Variants in PHF21A observed in about 807,000 individuals in gnomAD.
PHF21A encodes PHD finger protein 21A, also known as BHC80a.
PHF21A carries 11 observed loss-of-function variants against 82.5 expected under a neutral mutation model. The observed-to-expected ratio is 0.13, with a 90% CI of 0.08 to 0.22. The LOEUF is 0.22. PHF21A is among the 10% of genes least tolerant of loss of function. The probability of loss-of-function intolerance (pLI) is 1.00; values close to 1 mark genes in which losing one functional copy is unlikely to be tolerated. For synonymous variants in PHF21A, 297 were observed against 302.8 expected (o/e 0.98, Z 0.20); for missense variants, 579 against 837.8 (o/e 0.69, Z 3.81).
rs2095467242 is a variant in PHF21A at position 46,014,096 on chromosome 11, A to G, written c.154-34130T>C. Among the ~76,000 whole-genome samples the G allele has an allele frequency of 2.0e-5, 3 of 152,174 alleles. 1 individual carries two copies. The South Asian group carries it at 6.2e-4, about 32-fold the overall frequency. On this transcript the variant is annotated intron_variant, in intron 6 of 18. Coordinates refer to ENST00000676320, the MANE Select transcript of PHF21A (RefSeq NM_001352027.3). Reference sequence around the variant, plus strand: ...TCATAATGCTGAGGTTTGGGCTTCTATTGATCCTGTGACCCACATGGTGAA... The same window carrying G: ...TCATAATGCTGAGGTTTGGGCTTCTGTTGATCCTGTGACCCACATGGTGAA...
In PHF21A at chr11:46,098,208, C is replaced by G. The variant is rs961903734; in HGVS notation, c.-236-5985G>C. Among the ~76,000 whole-genome samples the G allele has an allele frequency of 6.6e-5, 10 of 152,248 alleles. No individual in the cohort carries two copies. The South Asian group carries it at 1.7e-3, about 25-fold the overall frequency. ...AAAATCTACAAAGATTTAGACTGTA[C>G]ATAAATAAATGGAAGTAATAAAAAT... On this transcript the variant is annotated intron_variant, in intron 1 of 18. Coordinates refer to ENST00000676320, the MANE Select transcript of PHF21A (RefSeq NM_001352027.3).
chr11:46,081,157 T>C (rs2096786789), intron 4 of PHF21A, among the ~76,000 whole-genome samples: 1 of 152,204 alleles, frequency 6.6e-6, no homozygotes, highest in Non-Finnish European at 1.5e-5. Context: ...CAAAAGTCTT[T>C]CTCCCTGATG....
chr11:46,100,566 G>A (rs2097081278), intron 1 of PHF21A, among the ~76,000 whole-genome samples: 1 of 152,112 alleles, frequency 6.6e-6, no homozygotes, highest in African/African-American at 2.4e-5. Context: ...ACTTATTAAA[G>A]GTCCTGTTAA....
intron 11 of PHF21A, among the ~76,000 whole-genome samples, chr11:45,951,386 C>G (rs2092092405): frequency 6.6e-6 from 1 of 152,210 alleles, no homozygotes; most frequent in African/African-American, 2.4e-5. Flanking sequence ...CACTTGAGAA[C>G]ATAGAAATGT....
intron 18 of PHF21A, 24 bp from the exon 19 acceptor site, chr11:45,934,249 G>A (rs1317528695): frequency 1.2e-6 from 2 of 1,603,040 alleles, no homozygotes; most frequent in Admixed American, 1.7e-5. Context: ...CAAGGGCAGT[G>A]GCACTGAGCC....
rs571708230 is a variant in PHF21A at position 46,103,542 on chromosome 11, G to A, written c.-236-11319C>T. On this transcript the variant is annotated intron_variant, in intron 1 of 18. Coordinates refer to ENST00000676320, the MANE Select transcript of PHF21A (RefSeq NM_001352027.3). ...ATGAGATACAATGTTTTAGGAACAG[G>A]GACAAAATAAAATATACACCAATTC... Among the ~76,000 whole-genome samples the A allele has an allele frequency of 2.2e-4, 33 of 152,094 alleles. 1 individual carries two copies. In the East Asian group the frequency reaches 4.6e-3, roughly 21 times the overall value.
At chr11:46,015,475 A>G (rs1352131269) in intron 6 of PHF21A, among the ~76,000 whole-genome samples, 1 of 152,062 alleles carries the variant, frequency 6.6e-6, no homozygotes, top group East Asian at 1.9e-4. Flanking sequence ...ATAGTTTGAG[A>G]TTTTAAAAAT....
intron 6 of PHF21A, among the ~76,000 whole-genome samples, chr11:46,052,609 A>G (rs974870657): frequency 2.0e-5 from 3 of 152,188 alleles, no homozygotes; most frequent in African/African-American, 7.2e-5. Context: ...ACTAAAACAG[A>G]AGGTAGGGAT....
At chr11:45,969,547 A>G (rs980949630) in intron 9 of PHF21A, among the ~76,000 whole-genome samples, 4 of 152,228 alleles carry the variant, frequency 2.6e-5, no homozygotes, top group African/African-American at 9.6e-5. Context: ...TCTTCTAGTA[A>G]GTTTAAGGTT....
chr11:46,118,704 C>G (rs1852100502), intron 1 of PHF21A: 1 of 151,934 alleles, frequency 6.6e-6, no homozygotes, highest in African/African-American at 2.4e-5. Context: ...ATTCCATAAA[C>G]AAGTAAAGAC....
chr11:46,069,308 G>A (rs982735248), intron 6 of PHF21A, among the ~76,000 whole-genome samples: 1 of 152,158 alleles, frequency 6.6e-6, no homozygotes, highest in Admixed American at 6.5e-5. Context: ...TTGGACCAAT[G>A]GCTTTACATA....
At chr11:46,109,714 G>GT (rs766035359) in intron 1 of PHF21A, among the ~76,000 whole-genome samples, 5 of 152,246 alleles carry the variant, frequency 3.3e-5, no homozygotes, top group Non-Finnish European at 5.9e-5. Context: ...AGGCGTGGTG[G>GT]TTTAGGCCTG....
At chr11:46,074,460 GGA>G (rs1491473128) in intron 6 of PHF21A, among the ~76,000 whole-genome samples, 14 of 139,704 alleles carry the variant, frequency 1.0e-4, no homozygotes, top group Non-Finnish European at 1.3e-4. Flanking sequence ...TCTTTTGGCG[GGA>G]GGGGGGAAGG....
chr11:45,978,318 AAAAC>A (rs984571862), intron 7 of PHF21A, among the ~76,000 whole-genome samples: 11 of 147,246 alleles, frequency 7.5e-5, no homozygotes, highest in African/African-American at 2.4e-4. Flanking sequence ...CAATAACAAA[AAAAC>A]AAACAAACAA....
chr11:46,055,952 C>T (rs1408718578), intron 6 of PHF21A, among the ~76,000 whole-genome samples: 1 of 152,144 alleles, frequency 6.6e-6, no homozygotes, highest in Non-Finnish European at 1.5e-5. Flanking sequence ...TGACAAAGAA[C>T]TGCTGCCACC....
intron 6 of PHF21A, among the ~76,000 whole-genome samples, chr11:45,983,469 G>C (rs1282316644): frequency 6.6e-6 from 1 of 151,950 alleles, no homozygotes; most frequent in Admixed American, 6.6e-5. Context: ...TGCGTGTGTG[G>C]TTATACATGT....
rs372115450 is a variant in PHF21A, at chr11:46,059,374, T to C, written c.153+17380A>G. 4.6e-5 allele frequency among the ~76,000 whole-genome samples: 7 copies of C among 152,296 alleles called. 1 individual carries two copies. In the East Asian group the frequency reaches 1.3e-3, roughly 29 times the overall value. On this transcript the variant is annotated intron_variant, in intron 6 of 18. Transcript: ENST00000676320. Reference sequence around the variant, plus strand: ...AGAATGTAAAGAAATGCTCAAGATATAGACAAAATAAGTATTTCTAAAATA... The same window carrying C: ...AGAATGTAAAGAAATGCTCAAGATACAGACAAAATAAGTATTTCTAAAATA...
chr11:46,036,941 C>A (rs896860099), intron 6 of PHF21A, among the ~76,000 whole-genome samples: 1 of 152,062 alleles, frequency 6.6e-6, no homozygotes, highest in African/African-American at 2.4e-5. Flanking sequence ...GAACTCCTGG[C>A]CTCAGGCAAT....
At chr11:45,975,773 C>G (rs917020926) in intron 7 of PHF21A, among the ~76,000 whole-genome samples, 1 of 152,138 alleles carries the variant, frequency 6.6e-6, no homozygotes, top group African/African-American at 2.4e-5. Flanking sequence ...TTCCCATTCC[C>G]TCTCCCAAAA....
Sources: gnomAD v4.1 joint callset for allele counts (sites outside exome capture counted in the v4.1 genomes callset) on GRCh38, gnomAD v4.1.1 for gene constraint, MANE v1.5 for transcripts, NCBI Gene and HGNC (gene_info 2026-07-23, HGNC 2026-07-21) for gene names.